The following MICU1 variants were observed in gnomAD, a reference collection of about 807,000 sequenced individuals.
The protein encoded by MICU1 is calcium uptake protein 1, mitochondrial.
In MICU1, 45 loss-of-function variants were observed where a neutral mutation model predicts 56.8. That is an observed-to-expected ratio of 0.79 (90% confidence interval 0.62 to 1.02). The LOEUF (loss-of-function observed/expected upper bound fraction) is 1.02, where lower values mean the gene tolerates loss of function less well. MICU1 is among the 50% of genes least tolerant of loss of function. The pLI, the probability that MICU1 is intolerant of heterozygous loss-of-function variation, is 0.00. For missense variants in MICU1, 504 were observed against 587.1 expected, an observed-to-expected ratio of 0.86 and a Z score of 1.46; for synonymous variants, 186 against 195.1, an observed-to-expected ratio of 0.95 and a Z score of 0.39.
At chr10:72,606,494 C>T (rs1841695616) in intron 1 of MICU1, among the ~76,000 whole-genome samples, 2 of 151,436 alleles carry the variant, frequency 1.3e-5, no homozygotes, top group African/African-American at 4.9e-5. Flanking sequence ...GCCTGGGCAA[C>T]AAGAGCGAAA....
chr10:72,489,875 T>C (rs774660168), intron 6 of MICU1, among the ~76,000 whole-genome samples: 8 of 152,170 alleles, frequency 5.3e-5, no homozygotes, highest in African/African-American at 9.7e-5. Context: ...CACTGAGAAA[T>C]TTAAGCCACA....
chr10:72,443,894 A>T (rs913364998), intron 8 of MICU1, among the ~76,000 whole-genome samples: 1 of 151,808 alleles, frequency 6.6e-6, no homozygotes, highest in Non-Finnish European at 1.5e-5. Context: ...AGGACTATAA[A>T]TCATGCTGCT....
chr10:72,465,284 C>T (rs189947043), intron 8 of MICU1, among the ~76,000 whole-genome samples: 198 of 150,770 alleles, frequency 1.3e-3, no homozygotes, highest in Middle Eastern at 3.4e-3. Flanking sequence ...AGGCATGAGC[C>T]ACCATGCCCA....
chr10:72,431,639 C>T (rs890604872), intron 8 of MICU1, among the ~76,000 whole-genome samples: 1 of 152,148 alleles, frequency 6.6e-6, no homozygotes, highest in Non-Finnish European at 1.5e-5. Context: ...ATAATCACAC[C>T]AACACTTTTT....
intron 8 of MICU1, among the ~76,000 whole-genome samples, chr10:72,441,659 C>T (rs1864938347): frequency 7.6e-6 from 1 of 131,900 alleles, no homozygotes; most frequent in African/African-American, 2.7e-5. Context: ...CTCTGTTGCC[C>T]AGGCTGGAGT....
intron 1 of MICU1, among the ~76,000 whole-genome samples, chr10:72,573,660 T>C (rs1840671882): frequency 6.6e-6 from 1 of 152,190 alleles, no homozygotes; most frequent in South Asian, 2.1e-4. Flanking sequence ...ATGGTTAATT[T>C]TTTATTTATA....
At chr10:72,426,941 A>G (rs1419111150) in intron 8 of MICU1, among the ~76,000 whole-genome samples, 1 of 152,216 alleles carries the variant, frequency 6.6e-6, no homozygotes, top group Non-Finnish European at 1.5e-5. Flanking sequence ...TTCTAATTGC[A>G]TATTTGGAAG....
At chr10:72,533,017 G>A (rs1331854085) in intron 5 of MICU1, 1 of 1,288,342 alleles carries the variant, frequency 7.8e-7, no homozygotes, top group South Asian at 1.2e-5. Flanking sequence ...CTCCATGATT[G>A]TCCTTCTGAC....
At chr10:72,428,024 T>C (rs1229109086) in intron 8 of MICU1, among the ~76,000 whole-genome samples, 1 of 152,132 alleles carries the variant, frequency 6.6e-6, no homozygotes, top group South Asian at 2.1e-4. Context: ...ATAGTTTGAA[T>C]TGAAATCTAT....
At chr10:72,551,911 C>T (rs1370514726) in intron 3 of MICU1, among the ~76,000 whole-genome samples, 1 of 152,158 alleles carries the variant, frequency 6.6e-6, no homozygotes, top group African/African-American at 2.4e-5. Flanking sequence ...GCTGGGATTA[C>T]AGGAAGTAGC....
At chr10:72,372,083 T>G (rs1488853491) in intron 11 of MICU1, among the ~76,000 whole-genome samples, 3 of 146,406 alleles carry the variant, frequency 2.0e-5, no homozygotes, top group Non-Finnish European at 3.0e-5. Context: ...AAAAAATAAA[T>G]GTAGGCCAGG....
In MICU1 at chr10:72,606,470, G is replaced by A. The variant is rs1219657436; in HGVS notation, c.-2+19540C>T. ...AGAGGTTGCAGTGAGCTGAGATCCC[G>A]CCATTATACTCCAGCCTGGGCAACA... On this transcript the variant is annotated intron_variant, in intron 1 of 11. Transcript: ENST00000361114. Among the ~76,000 whole-genome samples the A allele has an allele frequency of 1.1e-4, 17 of 151,604 alleles. 1 individual carries two copies. Among genetic ancestry groups the A allele is most frequent in the Admixed American group, 1.1e-3 (17 of 15,218 alleles).
intron 9 of MICU1, among the ~76,000 whole-genome samples, chr10:72,413,264 T>C (rs1427733622): frequency 1.3e-5 from 2 of 152,084 alleles, no homozygotes; most frequent in Non-Finnish European, 2.9e-5. Context: ...CAAATCTTCA[T>C]GACCTTGACT....
At chr10:72,538,701 A>C (rs1839695706) in intron 4 of MICU1, among the ~76,000 whole-genome samples, 1 of 151,982 alleles carries the variant, frequency 6.6e-6, no homozygotes, top group African/African-American at 2.4e-5. Context: ...GTTACAAAAC[A>C]ACCAGAAAAT....
intron 8 of MICU1, among the ~76,000 whole-genome samples, chr10:72,436,326 C>A (rs1019585160): frequency 1.3e-5 from 2 of 152,196 alleles, no homozygotes; most frequent in Admixed American, 6.5e-5. Flanking sequence ...AGGGACCTGA[C>A]TGTTAGAAGG....
At chr10:72,371,930 C>T (rs1862357258) in intron 11 of MICU1, among the ~76,000 whole-genome samples, 1 of 151,896 alleles carries the variant, frequency 6.6e-6, no homozygotes, top group Non-Finnish European at 1.5e-5. Context: ...GTGGTGCCTG[C>T]CTGTAGGCCC....
chr10:72,515,732 CTTT>C (rs1174049301), intron 5 of MICU1, among the ~76,000 whole-genome samples: 1 of 152,094 alleles, frequency 6.6e-6, no homozygotes, highest in African/African-American at 2.4e-5. Flanking sequence ...ACATTTGTTA[CTTT>C]TTTAAGGAAA....
At chr10:72,521,873 T>A (rs5786082) in intron 5 of MICU1, among the ~76,000 whole-genome samples, 2 of 28,478 alleles carry the variant, frequency 7.0e-5, no homozygotes, top group Non-Finnish European at 2.7e-4. Flanking sequence ...ACAGGTGCAC[T>A]TTTTTTTTAA....
intron 9 of MICU1, among the ~76,000 whole-genome samples, chr10:72,415,198 T>C (rs1429225568): frequency 6.6e-6 from 1 of 152,100 alleles, no homozygotes; most frequent in Non-Finnish European, 1.5e-5. Flanking sequence ...TGTATTTTTG[T>C]AGAGATGTGC....
Sources: allele counts gnomAD v4.1 joint callset (sites outside exome capture counted in the v4.1 genomes callset), GRCh38; gene constraint gnomAD v4.1.1; transcripts MANE v1.5; gene names NCBI Gene and HGNC (gene_info 2026-07-23, HGNC 2026-07-21).